PROSER2: variants seen among roughly 807,000 people sequenced by gnomAD.
PROSER2 encodes the protein proline and serine rich 2.
PROSER2 carries 18 observed loss-of-function variants against 14.6 expected under a neutral mutation model. The ratio of observed to expected loss-of-function variants is 1.23; its 90% CI spans 0.85 to 1.83. The LOEUF is 1.83. PROSER2 is among the 40% of genes most tolerant of loss of function. The probability of loss-of-function intolerance (pLI) is 0.00; values close to 1 mark genes in which losing one functional copy is unlikely to be tolerated. For missense variants in PROSER2, 823 were observed against 629.8 expected (o/e 1.31, Z -3.28); for synonymous variants, 367 against 286.4 (o/e 1.28, Z -2.84).
chr10:11,836,601 G>A lies in PROSER2; in HGVS notation c.-82+13131G>A, dbSNP rs139763102. Among the ~76,000 whole-genome samples, 4 of 152,122 alleles carry A rather than the reference G, an allele frequency of 2.6e-5. No individual in the cohort carries two copies. Among genetic ancestry groups the A allele is most frequent in the Non-Finnish European group, 4.4e-5 (3 of 68,030 alleles). ...GTATGCACGCCGGCCCCTTCCTAGC[G>A]TGTAGGTGTGCACTTTGACCCTGCT... On this transcript the variant is annotated intron_variant, in intron 1 of 3. Transcript: ENST00000277570. This position sits in a 1 kb window ranked among gnomAD's most constrained non-coding sequence, Gnocchi z 4.6.
chr10:11,860,399 G>A (rs1210342756), intron 2 of PROSER2, among the ~76,000 whole-genome samples: 1 of 151,074 alleles, frequency 6.6e-6, no homozygotes, highest in Non-Finnish European at 1.5e-5. Flanking sequence ...GGTGGATCAC[G>A]AGGTCAGGAG....
In PROSER2 at chr10:11,836,544, A is replaced by G. The variant is rs987326040; in HGVS notation, c.-82+13074A>G. Among the ~76,000 whole-genome samples the G allele has an allele frequency of 3.3e-5, 5 of 152,128 alleles. No homozygotes were observed. Among genetic ancestry groups the G allele is most frequent in the African/African-American group, 1.2e-4 (5 of 41,424 alleles). On this transcript the variant is annotated intron_variant, in intron 1 of 3. Transcript: ENST00000277570. This position sits in a 1 kb window ranked among gnomAD's most constrained non-coding sequence, Gnocchi z 4.6. The stretch of plus-strand genomic sequence containing the variant: ...TTCTTTCCTAAGATATGTTTATTCT[A>G]TATTTTGGAACAAATCTTCACAAAA...
rs767143160 is a variant in PROSER2, at chr10:11,869,802, G to T, written c.704G>T (p.Ser235Ile). Residue 235 changes from serine to isoleucine, a missense_variant, in exon 4 of 4, where the codon AGT becomes ATT. Coordinates refer to ENST00000277570, the MANE Select transcript of PROSER2 (RefSeq NM_153256.4). This position sits in a 1 kb window ranked among gnomAD's most constrained non-coding sequence, Gnocchi z 4.4. Reference sequence around the variant, plus strand: ...ACACCTGCCGCCCGGGGGCCCCGCAGTGGAGACCCTGGCCCGGGGCCCAGC... The same window carrying T: ...ACACCTGCCGCCCGGGGGCCCCGCATTGGAGACCCTGGCCCGGGGCCCAGC... ...WRTPAARGPR[S>I]GDPGPGPSHP... is the part of the protein sequence containing the mutation. 2.5e-5 allele frequency: 39 copies of T among 1,558,044 alleles called. No individual in the cohort carries two copies. The African/African-American group carries it at 4.7e-4, about 19-fold the overall frequency.
At position 11,824,591 on chromosome 10, in the gene PROSER2, A is replaced by G. The variant is rs537068871; in HGVS notation, c.-82+1121A>G. ...ATGTGGAAATACAAACAAATGCCCTATTGACTTGGGATTGGGTGGGAAGGA... is the reference window on the plus strand; with the variant it reads ...ATGTGGAAATACAAACAAATGCCCTGTTGACTTGGGATTGGGTGGGAAGGA... On this transcript the variant is annotated intron_variant, in intron 1 of 3. Transcript: ENST00000277570. Among the ~76,000 whole-genome samples, 7 of 152,298 alleles carry G rather than the reference A, an allele frequency of 4.6e-5. No homozygotes were observed. The East Asian group carries it at 1.4e-3, about 29-fold the overall frequency.
At chr10:11,867,587 G>A (rs1834378278) in intron 3 of PROSER2, among the ~76,000 whole-genome samples, 3 of 152,162 alleles carry the variant, frequency 2.0e-5, no homozygotes, top group Admixed American at 2.0e-4. Context: ...TCGTGCTACT[G>A]CACTCCAGCC....
rs1178351951 is a variant in PROSER2, at chr10:11,871,773, G to A, written c.*1367G>A. 1 of 152,090 alleles carries A rather than the reference G, an allele frequency of 6.6e-6. No homozygotes were observed. Among genetic ancestry groups the A allele is most frequent in the Admixed American group, 6.5e-5 (1 of 15,278 alleles). 9.4% of individuals were successfully genotyped at this position (152,090 alleles called of 1,614,324 possible). On this transcript the variant is annotated 3_prime_UTR_variant, in exon 4 of 4. Transcript: ENST00000277570. Reference sequence around the variant, plus strand: ...GTGTTTTTATGTCTCCGCCAGCGCCGTAACAGAGCCTGTTTCTTTCCCGTT... The same window carrying A: ...GTGTTTTTATGTCTCCGCCAGCGCCATAACAGAGCCTGTTTCTTTCCCGTT...
intron 1 of PROSER2, among the ~76,000 whole-genome samples, chr10:11,833,151 G>C (rs1057258259): frequency 6.1e-5 from 9 of 146,362 alleles, no homozygotes; most frequent in African/African-American, 2.2e-4. Flanking sequence ...GCTGGTTTTA[G>C]AGTTTTTAAA....
chr10:11,867,607 G>A (rs1031239949), intron 3 of PROSER2, among the ~76,000 whole-genome samples: 1 of 152,206 alleles, frequency 6.6e-6, no homozygotes, highest in Non-Finnish European at 1.5e-5. Flanking sequence ...CTGGGTGGCA[G>A]AGCGAGACCC....
In PROSER2 at chr10:11,870,446, C is replaced by T; in HGVS notation, c.*40C>T. 1.4e-6 allele frequency: 2 copies of T among 1,401,132 alleles called. No individual in the cohort carries two copies. The highest frequency in any genetic ancestry group is 1.5e-5 in the South Asian group (1 of 65,012). The allele number at this position is 1,401,132 out of a possible 1,614,324, so 86.8% of individuals were successfully genotyped here. A position where few individuals can be genotyped will look rare whatever the true frequency, so the allele number is the denominator to read the frequency against. Reference sequence around the variant, plus strand: ...CCAGTCCACCCCGTTTCTCCCCACCCTGAAGAGAGGGTGAAAGAGTCGCTG... The same window carrying T: ...CCAGTCCACCCCGTTTCTCCCCACCTTGAAGAGAGGGTGAAAGAGTCGCTG... On this transcript the variant is annotated 3_prime_UTR_variant, in exon 4 of 4. Coordinates refer to ENST00000277570, the MANE Select transcript of PROSER2 (RefSeq NM_153256.4).
chr10:11,851,074 G>A (rs1410838575), intron 1 of PROSER2: 1 of 152,312 alleles, frequency 6.6e-6, no homozygotes, highest in East Asian at 1.9e-4. Context: ...AAATAAGCTG[G>A]GTGTGGTAGT....
intron 2 of PROSER2, among the ~76,000 whole-genome samples, chr10:11,854,909 T>C (rs776018723): frequency 1.1e-4 from 17 of 152,118 alleles, no homozygotes; most frequent in Non-Finnish European, 2.2e-4. Context: ...AGGTCTTTTT[T>C]TTTTTAATGT....
chr10:11,829,581 CAA>C lies in PROSER2; in HGVS notation c.-82+6121_-82+6122del, dbSNP rs372245548. 7.0e-5 allele frequency among the ~76,000 whole-genome samples: 10 copies of C among 142,416 alleles called. No homozygotes were observed. In the South Asian group the frequency reaches 1.1e-3, roughly 16 times the overall value. The allele number at this position is 142,416 out of a possible 152,430, so 93.4% of individuals were successfully genotyped here. On this transcript the variant is annotated intron_variant, in intron 1 of 3. Transcript: ENST00000277570. ...TGTAAGACAGAGCGAGACCCTGTCT[CAA>C]AAAAAAAAAGAGTGTTGTGCTACAG... is the stretch of plus-strand genomic sequence containing the variant.
intron 1 of PROSER2, among the ~76,000 whole-genome samples, chr10:11,834,547 C>T (rs1341906948): frequency 1.3e-5 from 2 of 151,710 alleles, no homozygotes; most frequent in African/African-American, 4.8e-5. Context: ...CAAGCCTGGC[C>T]AACCTGGTGA....
At position 11,827,924 on chromosome 10, in the gene PROSER2, C is replaced by A. The variant is rs187848195; in HGVS notation, c.-82+4454C>A. On this transcript the variant is annotated intron_variant, in intron 1 of 3. Coordinates refer to ENST00000277570, the MANE Select transcript of PROSER2 (RefSeq NM_153256.4). ...AACCCCTGGGTTCAAGCAGTCCCCC[C>A]ACCTTAGCCCCTGAAAGTGCTGGGA... is the stretch of plus-strand genomic sequence containing the variant. Among the ~76,000 whole-genome samples, 263 of 152,228 alleles carry A rather than the reference C, an allele frequency of 1.7e-3. 2 individuals carry two copies. Among genetic ancestry groups the A allele is most frequent in the Middle Eastern group, 6.8e-3 (2 of 294 alleles).
intron 2 of PROSER2, among the ~76,000 whole-genome samples, chr10:11,861,883 G>C (rs1834247665): frequency 2.6e-5 from 4 of 152,174 alleles, no homozygotes; most frequent in African/African-American, 9.7e-5. Context: ...CAAATACCTA[G>C]GAAGACATAG....
rs539007152 is a variant in PROSER2 at position 11,865,996 on chromosome 10, G to A, written c.139-535G>A. On this transcript the variant is annotated intron_variant, in intron 2 of 3. Coordinates refer to ENST00000277570, the MANE Select transcript of PROSER2 (RefSeq NM_153256.4). The surrounding 1 kb of genome is among the most constrained non-coding windows in gnomAD (Gnocchi z 4.2). Reference sequence around the variant, plus strand: ...TCAGTTTCCACCTGTCCTGCTCTCCGGCTGCCCTGCTTTTGGCTGTTGGAT... The same window carrying A: ...TCAGTTTCCACCTGTCCTGCTCTCCAGCTGCCCTGCTTTTGGCTGTTGGAT... 5.3e-5 allele frequency among the ~76,000 whole-genome samples: 8 copies of A among 152,062 alleles called. No homozygotes were observed. In the East Asian group the frequency reaches 7.7e-4, roughly 15 times the overall value.
At chr10:11,854,161 G>T (rs964625051) in intron 2 of PROSER2, among the ~76,000 whole-genome samples, 4 of 152,156 alleles carry the variant, frequency 2.6e-5, no homozygotes, top group Non-Finnish European at 5.9e-5. Context: ...TTCCCCTCAG[G>T]CCTGTTAACT....
At chr10:11,842,104 C>G (rs538384292) in intron 1 of PROSER2, among the ~76,000 whole-genome samples, 2 of 151,946 alleles carry the variant, frequency 1.3e-5, no homozygotes, top group African/African-American at 4.8e-5. Flanking sequence ...AGCCTGTGGT[C>G]CCAGCTACTT....
intron 2 of PROSER2, among the ~76,000 whole-genome samples, chr10:11,854,683 G>A (rs1834089651): frequency 1.3e-5 from 2 of 150,884 alleles, no homozygotes; most frequent in East Asian, 1.9e-4. Flanking sequence ...TCACCCTCCC[G>A]AGTAGCTGGG....
Sources: allele counts gnomAD v4.1 joint callset (sites outside exome capture counted in the v4.1 genomes callset), GRCh38; gene constraint gnomAD v4.1.1; non-coding constraint Gnocchi (gnomAD v3.1); transcripts MANE v1.5; gene names NCBI Gene and HGNC (gene_info 2026-07-23, HGNC 2026-07-21).